The following LEPR variants were observed in gnomAD, a reference collection of about 807,000 sequenced individuals.
The protein encoded by LEPR is OB receptor.
Under a neutral mutation model 114.7 loss-of-function variants are expected in LEPR, and 56 were observed. That is an observed-to-expected ratio of 0.49 (90% CI 0.39 to 0.61). The LOEUF (loss-of-function observed/expected upper bound fraction) is 0.61, where lower values mean the gene tolerates loss of function less well. LEPR is among the 20% of genes least tolerant of loss of function. LEPR has a pLI of 0.00. For missense variants in LEPR, 1,202 were observed against 1,352.9 expected (o/e 0.89, Z 1.75); for synonymous variants, 443 against 461.4 (o/e 0.96, Z 0.51).
chr1:65,490,312 TG>T (rs1211745468), intron 2 of LEPR, among the ~76,000 whole-genome samples: 4 of 152,150 alleles, frequency 2.6e-5, no homozygotes, highest in Admixed American at 2.6e-4. Flanking sequence ...TGTTTTAATG[TG>T]TAATGGCACA....
intron 5 of LEPR, among the ~76,000 whole-genome samples, chr1:65,587,361 C>G (rs1261276648): frequency 6.6e-6 from 1 of 152,024 alleles, no homozygotes; most frequent in Non-Finnish European, 1.5e-5. Flanking sequence ...TTAAAAATTA[C>G]ATTTTGTTTG....
intron 2 of LEPR, among the ~76,000 whole-genome samples, chr1:65,547,478 T>C (rs564703843): frequency 2.0e-4 from 30 of 151,942 alleles, no homozygotes; most frequent in Non-Finnish European, 4.0e-4. Context: ...ATTGCCACAA[T>C]TTCAGATCCT....
At chr1:65,462,395 A>T (rs912530487) in intron 2 of LEPR, among the ~76,000 whole-genome samples, 2 of 152,188 alleles carry the variant, frequency 1.3e-5, no homozygotes, top group Non-Finnish European at 2.9e-5. Context: ...AATCCGTTCT[A>T]TCATTGATAG....
chr1:65,502,799 G>T (rs1012667832), intron 2 of LEPR, among the ~76,000 whole-genome samples: 1 of 151,670 alleles, frequency 6.6e-6, no homozygotes, highest in Non-Finnish European at 1.5e-5. Flanking sequence ...TGTCTGACAT[G>T]TTCAAGAGAC....
intron 6 of LEPR, among the ~76,000 whole-genome samples, chr1:65,594,987 C>T (rs1029964878): frequency 6.6e-6 from 1 of 151,794 alleles, no homozygotes; most frequent in Admixed American, 6.6e-5. Flanking sequence ...ATGACAGATA[C>T]CAACTCTATA....
intron 2 of LEPR, chr1:65,486,441 G>A (rs1237171815): frequency 6.6e-6 from 1 of 152,172 alleles, no homozygotes; most frequent in Admixed American, 6.5e-5. Context: ...AGCATAAAAT[G>A]TGACCATTAA....
At chr1:65,569,970 ATTCT>A (rs1158290951) in intron 3 of LEPR, among the ~76,000 whole-genome samples, 45 of 152,134 alleles carry the variant, frequency 3.0e-4, no homozygotes. Flanking sequence ...TTGAAGACAA[ATTCT>A]TTCTAAAAGT....
intron 2 of LEPR, among the ~76,000 whole-genome samples, chr1:65,454,659 G>T (rs975063639): frequency 6.6e-6 from 1 of 152,184 alleles, no homozygotes; most frequent in Non-Finnish European, 1.5e-5. Context: ...TCCACTGTTA[G>T]TCTGATGGGC....
At chr1:65,445,637 G>GT (rs564650668) in intron 2 of LEPR, among the ~76,000 whole-genome samples, 1,746 of 146,052 alleles carry the variant, frequency 0.012, 19 homozygotes, top group African/African-American at 0.032. Context: ...ACTGAATAGA[G>GT]TTTTTTTTTT....
rs561366893 is a variant in LEPR, at chr1:65,618,156, C to A, written c.2395+10C>A. 9 of 1,597,438 alleles carry A rather than the reference C, an allele frequency of 5.6e-6. No homozygotes were observed. The highest frequency in any genetic ancestry group is 6.8e-6 in the Non-Finnish European group (8 of 1,170,674). On this transcript the variant is annotated intron_variant, in intron 16 of 19. Transcript: ENST00000349533. Reference sequence around the variant, plus strand: ...AAGTATTATATCCATGGTAAGTTTACTATACTTTAGTAAGTTGCTCTCATG... The same window carrying A: ...AAGTATTATATCCATGGTAAGTTTAATATACTTTAGTAAGTTGCTCTCATG...
chr1:65,434,261 A>G, intron 2 of LEPR: 1 of 981,790 alleles, frequency 1.0e-6, no homozygotes, highest in Non-Finnish European at 1.2e-6. Flanking sequence ...CTGAATATAT[A>G]ATACAAAAGT....
rs1481078594 is a variant in LEPR at position 65,610,071 on chromosome 1, G to A, written c.1877G>A (p.Ser626Asn). Residue 626 changes from serine to asparagine, a missense_variant, in exon 13 of 20, where the codon AGC (serine) becomes AAC (asparagine). Transcript: ENST00000349533. ...LDGLGYWSNW[S>N]NPAYTVVMDI... ...GGACTGGGATATTGGAGTAATTGGA[G>A]CAATCCAGCCTACACAGTTGTCATG... The A allele has an allele frequency of 6.2e-7, 1 of 1,614,194 alleles. No homozygotes were observed. Among genetic ancestry groups the A allele is most frequent in the African/African-American group, 1.3e-5 (1 of 75,066 alleles).
intron 2 of LEPR, among the ~76,000 whole-genome samples, chr1:65,509,250 T>A (rs1648909690): frequency 6.6e-6 from 1 of 152,142 alleles, no homozygotes; most frequent in Non-Finnish European, 1.5e-5. Flanking sequence ...TGAGAGTGGA[T>A]ATCCTTGCCC....
chr1:65,605,664 T>C (rs184801133), intron 11 of LEPR, among the ~76,000 whole-genome samples: 1 of 152,330 alleles, frequency 6.6e-6, no homozygotes, highest in East Asian at 1.9e-4. Flanking sequence ...TGAGGCTATG[T>C]AGGGCACAGA....
chr1:65,565,421 A>G, intron 2 of LEPR, 125 bp from the exon 3 acceptor site: 1 of 854,370 alleles, frequency 1.2e-6, no homozygotes, highest in South Asian at 1.6e-5. Flanking sequence ...ATATTGATCT[A>G]GAGTATCACA....
chr1:65,444,207 G>GAC, intron 2 of LEPR, among the ~76,000 whole-genome samples: 1 of 30,138 alleles, frequency 3.3e-5, no homozygotes, highest in Non-Finnish European at 1.0e-4. Flanking sequence ...AATATGCGGT[G>GAC]TTAAGACCTG....
intron 2 of LEPR, among the ~76,000 whole-genome samples, chr1:65,502,883 G>A (rs1022293668): frequency 6.6e-5 from 10 of 151,670 alleles, no homozygotes; most frequent in Middle Eastern, 3.4e-3. Flanking sequence ...GAATGGGGGT[G>A]GGGGAGCTAT....
chr1:65,626,161 G>A (rs1455729950), intron 19 of LEPR: 1 of 1,612,020 alleles, frequency 6.2e-7, no homozygotes, highest in Non-Finnish European at 8.5e-7. Context: ...GTGGAGGTTG[G>A]TTGACTTAGG....
chr1:65,582,210 A>G (rs7413467), intron 5 of LEPR, among the ~76,000 whole-genome samples: 44,940 of 152,088 alleles, frequency 0.3, 7,572 homozygotes, highest in East Asian at 0.83. Flanking sequence ...ATCATTTATT[A>G]TCTCACAATT....
Sources: gnomAD v4.1 joint callset for allele counts (sites outside exome capture counted in the v4.1 genomes callset) on GRCh38, gnomAD v4.1.1 for gene constraint, MANE v1.5 for transcripts, NCBI Gene and HGNC (gene_info 2026-07-23, HGNC 2026-07-21) for gene names.